Variants in NRG3 observed in about 807,000 individuals in gnomAD.
NRG3 encodes neuregulin 3.
Under a neutral mutation model 66.9 loss-of-function variants are expected in NRG3, and 31 were observed. The ratio of observed to expected loss-of-function variants is 0.46; its 90% CI spans 0.35 to 0.63. The LOEUF (loss-of-function observed/expected upper bound fraction) is 0.63, where lower values mean the gene tolerates loss of function less well. Ranked by LOEUF, NRG3 falls within the 20% of genes least tolerant of loss-of-function variation. NRG3 has a pLI of 0.00. For missense variants in NRG3, 910 were observed against 878.9 expected, an observed-to-expected ratio of 1.04 and a Z score of -0.45; for synonymous variants, 393 against 359.4, an observed-to-expected ratio of 1.09 and a Z score of -1.06.
intron 1 of NRG3, among the ~76,000 whole-genome samples, chr10:82,287,929 G>T (rs1252354155): frequency 6.6e-6 from 1 of 152,136 alleles, no homozygotes; most frequent in Admixed American, 6.5e-5. Flanking sequence ...TGATTATCGG[G>T]AGTAAATTCT....
intron 1 of NRG3, among the ~76,000 whole-genome samples, chr10:82,154,266 G>A (rs1391974731): frequency 6.6e-6 from 1 of 151,808 alleles, no homozygotes; most frequent in Non-Finnish European, 1.5e-5. Context: ...TAAGACAAGG[G>A]TACAATTTCA....
At chr10:81,895,828 T>C (rs1415733915) in intron 1 of NRG3, among the ~76,000 whole-genome samples, 2 of 152,268 alleles carry the variant, frequency 1.3e-5, no homozygotes, top group East Asian at 3.9e-4. Context: ...TTAGGCTGCT[T>C]TGAAATCCAT....
intron 4 of NRG3, among the ~76,000 whole-genome samples, chr10:82,917,954 G>GTA (rs1846011746): frequency 1.3e-5 from 1 of 76,506 alleles, no homozygotes; most frequent in Non-Finnish European, 2.5e-5. Context: ...GTGGGATTGT[G>GTA]TGTGTGTGTG....
chr10:82,459,717 A>G (rs2091430628), intron 2 of NRG3, among the ~76,000 whole-genome samples: 1 of 152,166 alleles, frequency 6.6e-6, no homozygotes, highest in African/African-American at 2.4e-5. Context: ...TATTCACCTA[A>G]AAATAACAAG....
intron 1 of NRG3, among the ~76,000 whole-genome samples, chr10:82,180,592 C>T (rs1469362456): frequency 1.3e-5 from 2 of 151,728 alleles, no homozygotes; most frequent in Admixed American, 1.3e-4. Context: ...GGATAAATTC[C>T]ACTTGGTAAA....
chr10:82,291,071 T>C (rs2079716259), intron 1 of NRG3, among the ~76,000 whole-genome samples: 1 of 152,094 alleles, frequency 6.6e-6, no homozygotes, highest in Non-Finnish European at 1.5e-5. Context: ...GCTATTGCAG[T>C]TGAACCATAA....
intron 1 of NRG3, among the ~76,000 whole-genome samples, chr10:82,188,961 ATT>A (rs2073973894): frequency 6.6e-6 from 1 of 152,214 alleles, no homozygotes; most frequent in Admixed American, 6.5e-5. Context: ...CAAGAATAAA[ATT>A]AAAGAACATG....
At chr10:82,329,888 G>A (rs1461869017) in intron 1 of NRG3, among the ~76,000 whole-genome samples, 1 of 152,164 alleles carries the variant, frequency 6.6e-6, no homozygotes, top group African/African-American at 2.4e-5. Flanking sequence ...CTGGTCCTAT[G>A]CTCCCTGAGC....
intron 3 of NRG3, among the ~76,000 whole-genome samples, chr10:82,803,664 C>T (rs527971560): frequency 9.2e-5 from 14 of 151,974 alleles, no homozygotes; most frequent in South Asian, 2.1e-4. Flanking sequence ...TGAGTTATTC[C>T]GGTGTTGAGG....
At chr10:82,457,735 C>T (rs1403216397) in intron 2 of NRG3, among the ~76,000 whole-genome samples, 1 of 152,130 alleles carries the variant, frequency 6.6e-6, no homozygotes, top group Non-Finnish European at 1.5e-5. Flanking sequence ...CAGAAGATCC[C>T]CTGACCAGCA....
chr10:82,591,077 T>C (rs2046954826), intron 2 of NRG3, among the ~76,000 whole-genome samples: 1 of 152,138 alleles, frequency 6.6e-6, no homozygotes, highest in African/African-American at 2.4e-5. Context: ...CAGCTGTCAG[T>C]CTTGGGGACC....
intron 2 of NRG3, among the ~76,000 whole-genome samples, chr10:82,582,198 C>T (rs1360974336): frequency 2.0e-5 from 3 of 151,962 alleles, no homozygotes; most frequent in Admixed American, 6.6e-5. Flanking sequence ...AGGGTGGATT[C>T]TTTTGAGTAT....
At chr10:81,993,065 TAAG>T (rs1162289594) in intron 1 of NRG3, among the ~76,000 whole-genome samples, 1 of 152,152 alleles carries the variant, frequency 6.6e-6, no homozygotes, top group Non-Finnish European at 1.5e-5. Context: ...ATTTGAACGA[TAAG>T]AAGTTATCTC....
rs551577571 is a variant in NRG3, at chr10:81,935,728, C to G, written c.823+59565C>G. On this transcript the variant is annotated intron_variant, in intron 1 of 8. Coordinates refer to ENST00000372141, the MANE Select transcript of NRG3 (RefSeq NM_001010848.4). ...GACTTCTCCCACAGTATTCATATCC[C>G]TGCTTCAGGACCACCTCCTCTGAGG... Among the ~76,000 whole-genome samples, 327 of 152,296 alleles carry G rather than the reference C, an allele frequency of 2.1e-3. 1 individual carries two copies. The highest frequency in any genetic ancestry group is 3.5e-3 in the Non-Finnish European group (240 of 68,020).
chr10:82,911,062 A>T (rs12268302), intron 4 of NRG3, among the ~76,000 whole-genome samples: 45,272 of 152,094 alleles, frequency 0.3, 7,063 homozygotes, highest in East Asian at 0.53. Flanking sequence ...AATAGGGTAG[A>T]GGGTTTACCT....
chr10:82,704,129 T>A (rs1716418711), intron 2 of NRG3, among the ~76,000 whole-genome samples: 1 of 152,186 alleles, frequency 6.6e-6, no homozygotes, highest in Non-Finnish European at 1.5e-5. Flanking sequence ...TTCCTTCCTT[T>A]AAGTCTCTGT....
intron 2 of NRG3, among the ~76,000 whole-genome samples, chr10:82,498,222 G>GA (rs923092387): frequency 1.6e-3 from 243 of 150,538 alleles, no homozygotes; most frequent in African/African-American, 5.5e-3. Flanking sequence ...TGTTTGCTGT[G>GA]AAAAAAAATC....
At chr10:82,163,767 T>C (rs1274844852) in intron 1 of NRG3, among the ~76,000 whole-genome samples, 4 of 152,220 alleles carry the variant, frequency 2.6e-5, no homozygotes, top group South Asian at 2.1e-4. Context: ...GTGGTTGATC[T>C]TAGGTTAGTA....
chr10:82,345,246 T>C (rs1017118518), intron 1 of NRG3, among the ~76,000 whole-genome samples: 1 of 138,252 alleles, frequency 7.2e-6, no homozygotes, highest in Admixed American at 6.9e-5. Context: ...TTGTATAAGG[T>C]GTAAGGAAGG....
Sources: gnomAD v4.1 joint callset for allele counts (sites outside exome capture counted in the v4.1 genomes callset) on GRCh38, gnomAD v4.1.1 for gene constraint, MANE v1.5 for transcripts, NCBI Gene and HGNC (gene_info 2026-07-23, HGNC 2026-07-21) for gene names.